The following WDR70 variants were observed in gnomAD, a reference collection of about 807,000 sequenced individuals.
WDR70 encodes the protein WD repeat-containing protein 70.
In WDR70, 53 loss-of-function variants were observed where a neutral mutation model predicts 88.6. The observed-to-expected ratio is 0.60, with a 90% CI of 0.48 to 0.75. The LOEUF is 0.75. Among genes scored for constraint, WDR70 ranks in the 30% least tolerant of loss-of-function variants. WDR70 has a pLI of 0.00. For synonymous variants in WDR70, 280 were observed against 270.0 expected, an observed-to-expected ratio of 1.04 and a Z score of -0.36; for missense variants, 610 against 823.2, an observed-to-expected ratio of 0.74 and a Z score of 3.17.
chr5:37,467,928 A>G (rs956734320), intron 7 of WDR70, among the ~76,000 whole-genome samples: 5 of 152,042 alleles, frequency 3.3e-5, no homozygotes, highest in African/African-American at 9.6e-5. Flanking sequence ...GTTAGCCAAG[A>G]TGGTCTCGAT....
intron 10 of WDR70, among the ~76,000 whole-genome samples, chr5:37,679,371 T>C (rs1746349990): frequency 7.6e-6 from 1 of 131,190 alleles, no homozygotes; most frequent in Non-Finnish European, 1.6e-5. Context: ...TTTTATCTAC[T>C]TTTGGTCTTT....
At chr5:37,551,308 C>G (rs72738770) in intron 9 of WDR70, among the ~76,000 whole-genome samples, 12 of 149,840 alleles carry the variant, frequency 8.0e-5, no homozygotes, top group Non-Finnish European at 1.5e-4. Flanking sequence ...TTTGTTCCCC[C>G]CCTCCGCAAA....
At chr5:37,461,044 CAT>C (rs1738983388) in intron 7 of WDR70, among the ~76,000 whole-genome samples, 1 of 146,876 alleles carries the variant, frequency 6.8e-6, no homozygotes, top group Non-Finnish European at 1.5e-5. Flanking sequence ...GCTCAGGATG[CAT>C]GTGTGTGTGC....
intron 9 of WDR70, among the ~76,000 whole-genome samples, chr5:37,597,104 A>G (rs1215873735): frequency 1.3e-5 from 2 of 152,122 alleles, no homozygotes. Flanking sequence ...CAGAATGAAG[A>G]TTTGGGGTTG....
At chr5:37,654,096 C>T (rs565892074) in intron 10 of WDR70, among the ~76,000 whole-genome samples, 13 of 152,138 alleles carry the variant, frequency 8.5e-5, no homozygotes, top group Non-Finnish European at 1.6e-4. Flanking sequence ...TATAAATTTT[C>T]CTCTAAATGC....
chr5:37,701,225 C>T (rs770384990), intron 12 of WDR70, 83 bp downstream of exon 12: 292 of 854,888 alleles, frequency 3.4e-4, no homozygotes, highest in Non-Finnish European at 4.3e-4. Context: ...TTATATCATA[C>T]GTCTTTTAGA....
chr5:37,520,187 T>G (rs1167180345), intron 9 of WDR70, among the ~76,000 whole-genome samples: 1 of 152,184 alleles, frequency 6.6e-6, no homozygotes, highest in East Asian at 1.9e-4. Context: ...CTTAGGTTAT[T>G]TTGTCTTTCA....
At chr5:37,583,049 T>C (rs1743264605) in intron 9 of WDR70, among the ~76,000 whole-genome samples, 2 of 152,348 alleles carry the variant, frequency 1.3e-5, no homozygotes, top group African/African-American at 4.8e-5. Context: ...ATTTGAACTC[T>C]GTGCCTTAGC....
At chr5:37,455,898 C>T (rs1738821837) in intron 7 of WDR70, among the ~76,000 whole-genome samples, 1 of 152,004 alleles carries the variant, frequency 6.6e-6, no homozygotes, top group South Asian at 2.1e-4. Context: ...CCCAGGTAAC[C>T]ACTGATGTGA....
intron 10 of WDR70, among the ~76,000 whole-genome samples, chr5:37,677,941 G>T (rs1215207958): frequency 6.6e-6 from 1 of 152,150 alleles, no homozygotes; most frequent in East Asian, 1.9e-4. Context: ...ATATATTTAG[G>T]ATAGTAGCTC....
chr5:37,688,088 G>A (rs992167078), intron 10 of WDR70: 5 of 467,080 alleles, frequency 1.1e-5, no homozygotes, highest in African/African-American at 2.0e-5. Flanking sequence ...TTCAAATATC[G>A]ACATTCAAGA....
At chr5:37,531,968 C>G (rs1042413407) in intron 9 of WDR70, among the ~76,000 whole-genome samples, 1 of 152,122 alleles carries the variant, frequency 6.6e-6, no homozygotes. Flanking sequence ...GGCGAATTCT[C>G]TCAGCATTTT....
chr5:37,711,987 CTTTTTTTTT>C (rs70978842), intron 13 of WDR70, among the ~76,000 whole-genome samples: 3 of 104,022 alleles, frequency 2.9e-5, no homozygotes, highest in East Asian at 2.7e-4. Context: ...TATATTTTTT[CTTTTTTTTT>C]TTTTTTTTTT....
chr5:37,445,924 C>T (rs185044330), intron 7 of WDR70, among the ~76,000 whole-genome samples: 23 of 152,072 alleles, frequency 1.5e-4, no homozygotes, highest in Admixed American at 3.3e-4. Context: ...AACATAGTGT[C>T]GGAAGTTCTG....
intron 5 of WDR70, among the ~76,000 whole-genome samples, chr5:37,402,970 A>C: frequency 1.7e-5 from 1 of 60,078 alleles, no homozygotes; most frequent in African/African-American, 8.0e-5. Context: ...TTTTTGAGTC[A>C]AAGTCTTGCT....
chr5:37,676,034 TTGTC>T (rs1483780524), intron 10 of WDR70, among the ~76,000 whole-genome samples: 8 of 147,558 alleles, frequency 5.4e-5, no homozygotes, highest in Admixed American at 1.4e-4. Context: ...GGCTCTCTGT[TTGTC>T]TGTTATTGGT....
Position 37,653,340 on chromosome 5 carries a change from G to A in WDR70, c.1093-44315G>A, listed in dbSNP as rs371545963. Among the ~76,000 whole-genome samples the A allele has an allele frequency of 4.9e-4, 75 of 152,288 alleles. No individual in the cohort carries two copies. In the South Asian group the frequency reaches 0.015, roughly 31 times the overall value. On this transcript the variant is annotated intron_variant, in intron 10 of 17. Coordinates refer to ENST00000265107, the MANE Select transcript of WDR70 (RefSeq NM_018034.4). ...TTTGATGTGCTGCTGGATTCAGTTT[G>A]CCAGTATTTTATTAAGGGTTTTTGC...
At chr5:37,560,957 G>A (rs1205978849) in intron 9 of WDR70, among the ~76,000 whole-genome samples, 1 of 151,766 alleles carries the variant, frequency 6.6e-6, no homozygotes, top group Non-Finnish European at 1.5e-5. Context: ...GACTATAGGT[G>A]CAGACCACCA....
At chr5:37,641,281 A>C (rs1581458033) in intron 10 of WDR70, among the ~76,000 whole-genome samples, 1 of 151,986 alleles carries the variant, frequency 6.6e-6, no homozygotes, top group East Asian at 1.9e-4. Context: ...ATGCCCAGCT[A>C]ATTTTTAGTA....
Sources: allele counts gnomAD v4.1 joint callset (sites outside exome capture counted in the v4.1 genomes callset), GRCh38; gene constraint gnomAD v4.1.1; transcripts MANE v1.5; gene names NCBI Gene and HGNC (gene_info 2026-07-23, HGNC 2026-07-21).